The following SENP6 variants were observed in gnomAD, a reference collection of about 807,000 sequenced individuals.
SENP6 encodes SUMO specific peptidase 6, also known as sentrin-specific protease 6.
SENP6 carries 41 observed loss-of-function variants against 134.5 expected under a neutral mutation model. The observed-to-expected ratio is 0.30, with a 90% confidence interval of 0.24 to 0.40. The LOEUF (loss-of-function observed/expected upper bound fraction) is 0.40, where lower values mean the gene tolerates loss of function less well. Ranked by LOEUF, SENP6 falls within the 10% of genes least tolerant of loss-of-function variation. The pLI is 1.00. For synonymous variants in SENP6, 395 were observed against 429.8 expected (o/e 0.92, Z 1.00); for missense variants, 1,248 against 1,312.5 (o/e 0.95, Z 0.76).
intron 5 of SENP6, among the ~76,000 whole-genome samples, chr6:75,640,034 A>T (rs541578288): frequency 1.1e-3 from 168 of 152,314 alleles, no homozygotes; most frequent in African/African-American, 3.8e-3. Flanking sequence ...TGCTATGATA[A>T]CATTATTGAA....
chr6:75,625,440 T>C (rs1582697371), intron 3 of SENP6, among the ~76,000 whole-genome samples: 1 of 152,294 alleles, frequency 6.6e-6, no homozygotes, highest in Non-Finnish European at 1.5e-5. Flanking sequence ...ACTCAGTTTT[T>C]TCACTAGTCT....
intron 3 of SENP6, among the ~76,000 whole-genome samples, chr6:75,624,980 T>A (rs896578927): frequency 3.3e-5 from 5 of 152,072 alleles, no homozygotes; most frequent in African/African-American, 1.2e-4. Flanking sequence ...AAATAAAAAA[T>A]TTTGCACTGT....
At chr6:75,701,951 C>A (rs1009588021) in intron 18 of SENP6, among the ~76,000 whole-genome samples, 2 of 151,864 alleles carry the variant, frequency 1.3e-5, no homozygotes, top group African/African-American at 4.8e-5. Flanking sequence ...ACAGTTTAAT[C>A]TTTAAGATGG....
chr6:75,692,094 G>A (rs1446515250), intron 16 of SENP6, among the ~76,000 whole-genome samples: 5 of 152,156 alleles, frequency 3.3e-5, no homozygotes, highest in African/African-American at 1.2e-4. Flanking sequence ...GACCTCAGGT[G>A]ATCCGCCTGC....
intron 4 of SENP6, among the ~76,000 whole-genome samples, chr6:75,634,143 G>C (rs1442317509): frequency 6.6e-6 from 1 of 151,996 alleles, no homozygotes; most frequent in African/African-American, 2.4e-5. Context: ...GGTAGGATTG[G>C]GTATCAGTAG....
rs1277494953 is a variant in SENP6 at position 75,634,823 on chromosome 6, A to G, written c.458+12A>G. On this transcript the variant is annotated intron_variant, in intron 5 of 23. Coordinates refer to ENST00000447266, the MANE Select transcript of SENP6 (RefSeq NM_015571.4). Reference sequence around the variant, plus strand: ...ACAGCAGCCCAAAGGTAAGAATTCTAATTGTCTTTGGTTAGTATATACATG... The same window carrying G: ...ACAGCAGCCCAAAGGTAAGAATTCTGATTGTCTTTGGTTAGTATATACATG... The G allele has an allele frequency of 1.9e-6, 3 of 1,542,766 alleles. No individual in the cohort carries two copies. The highest frequency in any genetic ancestry group is 2.8e-5 in the African/African-American group (2 of 72,632).
At chr6:75,708,206 T>G (rs905262745) in intron 19 of SENP6, among the ~76,000 whole-genome samples, 1 of 151,976 alleles carries the variant, frequency 6.6e-6, no homozygotes, top group Non-Finnish European at 1.5e-5. Context: ...GGATTACAGG[T>G]GCATGCCACC....
chr6:75,680,049 AAATTT>A (rs1773357314), intron 16 of SENP6, among the ~76,000 whole-genome samples: 1 of 152,238 alleles, frequency 6.6e-6, no homozygotes, highest in South Asian at 2.1e-4. Flanking sequence ...TGATTTAAGG[AAATTT>A]AATTAAGATG....
At chr6:75,712,314 T>A (rs1342646595) in intron 21 of SENP6, among the ~76,000 whole-genome samples, 1 of 152,180 alleles carries the variant, frequency 6.6e-6, no homozygotes, top group Non-Finnish European at 1.5e-5. Flanking sequence ...TGCAGCATCA[T>A]TCTACAGAAA....
chr6:75,639,498 G>A (rs1325812506), intron 5 of SENP6, among the ~76,000 whole-genome samples: 2 of 152,026 alleles, frequency 1.3e-5, no homozygotes, highest in Non-Finnish European at 2.9e-5. Context: ...CATGATAGGA[G>A]TATAAGAATT....
At chr6:75,667,361 G>A (rs572785338) in intron 10 of SENP6, among the ~76,000 whole-genome samples, 32 of 152,216 alleles carry the variant, frequency 2.1e-4, no homozygotes, top group Middle Eastern at 3.4e-3. Flanking sequence ...AGTGTATCTA[G>A]GACAACTATT....
chr6:75,624,152 A>G (rs1768489124), intron 3 of SENP6, among the ~76,000 whole-genome samples, 192 bp downstream of exon 3: 1 of 151,954 alleles, frequency 6.6e-6, no homozygotes. Context: ...AAATATTTCC[A>G]CCTCCCATGT....
intron 3 of SENP6, among the ~76,000 whole-genome samples, chr6:75,632,304 A>G (rs923967991): frequency 2.2e-4 from 34 of 152,180 alleles, no homozygotes; most frequent in African/African-American, 8.0e-4. Context: ...GATACCACAG[A>G]AAGCAAAACC....
At chr6:75,629,496 C>T (rs979235039) in intron 3 of SENP6, among the ~76,000 whole-genome samples, 1 of 152,098 alleles carries the variant, frequency 6.6e-6, no homozygotes, top group Non-Finnish European at 1.5e-5. Flanking sequence ...GACAAGGTTT[C>T]ACCATGGTGG....
chr6:75,656,333 T>C (rs1288011177), intron 7 of SENP6, among the ~76,000 whole-genome samples: 1 of 152,126 alleles, frequency 6.6e-6, no homozygotes, highest in African/African-American at 2.4e-5. Context: ...TTCTCATCCC[T>C]GTAAGAGGGA....
At chr6:75,612,800 C>A (rs898564274) in intron 1 of SENP6, among the ~76,000 whole-genome samples, 48 of 152,100 alleles carry the variant, frequency 3.2e-4, no homozygotes, top group African/African-American at 1.1e-3. Context: ...CTAAAGGATA[C>A]CCTAGGTCAG....
At chr6:75,711,480 G>A in intron 21 of SENP6, 64 bp downstream of exon 21, 3 of 1,063,930 alleles carry the variant, frequency 2.8e-6, no homozygotes, top group South Asian at 3.6e-5. Context: ...AAACATAACA[G>A]GACAGTTTTT....
At chr6:75,644,682 G>A (rs189317020) in intron 6 of SENP6, among the ~76,000 whole-genome samples, 2 of 151,904 alleles carry the variant, frequency 1.3e-5, no homozygotes, top group African/African-American at 4.8e-5. Flanking sequence ...ACGGTGTTTC[G>A]CCATGTTGGC....
At chr6:75,666,064 C>T (rs1772181464) in intron 9 of SENP6, among the ~76,000 whole-genome samples, 2 of 131,852 alleles carry the variant, frequency 1.5e-5, no homozygotes. Context: ...ATATATAAAA[C>T]GTATATATGA....
Sources: allele counts gnomAD v4.1 joint callset (sites outside exome capture counted in the v4.1 genomes callset), GRCh38; gene constraint gnomAD v4.1.1; transcripts MANE v1.5; gene names NCBI Gene and HGNC (gene_info 2026-07-23, HGNC 2026-07-21).